Variants in R3HDM2 observed in about 807,000 individuals in gnomAD.
The protein encoded by R3HDM2 is R3H domain-containing protein 2.
R3HDM2 carries 38 observed loss-of-function variants against 124.5 expected under a neutral mutation model. The ratio of observed to expected loss-of-function variants is 0.31; its 90% CI spans 0.24 to 0.40. The LOEUF is 0.40. Ranked by LOEUF, R3HDM2 falls within the 10% of genes least tolerant of loss-of-function variation. The probability of loss-of-function intolerance (pLI) is 1.00; values close to 1 mark genes in which losing one functional copy is unlikely to be tolerated. For missense variants in R3HDM2, 869 were observed against 1,236.9 expected (o/e 0.70, Z 4.46); for synonymous variants, 391 against 448.0 (o/e 0.87, Z 1.61).
chr12:57,371,155 C>T (rs963825636), intron 2 of R3HDM2, among the ~76,000 whole-genome samples: 1 of 120,498 alleles, frequency 8.3e-6, no homozygotes, highest in African/African-American at 3.2e-5. Context: ...CAAACTAGGG[C>T]AGGCAAACAA....
chr12:57,418,292 CCTCTA>C (rs1206500907), intron 1 of R3HDM2: 1 of 985,300 alleles, frequency 1.0e-6, no homozygotes, highest in Non-Finnish European at 1.2e-6. Flanking sequence ...TGATTCCTCT[CCTCTA>C]TTCTCATTAC....
chr12:57,290,874 A>T (rs2048428325), intron 11 of R3HDM2, among the ~76,000 whole-genome samples: 1 of 152,148 alleles, frequency 6.6e-6, no homozygotes, highest in Admixed American at 6.5e-5. Context: ...GGCCTCCCAG[A>T]GTGCTGGGAT....
At chr12:57,428,103 G>C (rs1237696594) in intron 1 of R3HDM2, among the ~76,000 whole-genome samples, 2 of 150,028 alleles carry the variant, frequency 1.3e-5, no homozygotes, top group Non-Finnish European at 3.0e-5. Flanking sequence ...CTGGGTGACA[G>C]AGCGAGACTC....
At chr12:57,361,674 G>A (rs2061984022) in intron 2 of R3HDM2, among the ~76,000 whole-genome samples, 1 of 151,762 alleles carries the variant, frequency 6.6e-6, no homozygotes, top group South Asian at 2.1e-4. Flanking sequence ...GGGTGACAAA[G>A]TGAGACTGTC....
At chr12:57,383,604 A>G (rs990478841) in intron 2 of R3HDM2, among the ~76,000 whole-genome samples, 7 of 152,112 alleles carry the variant, frequency 4.6e-5, no homozygotes, top group Non-Finnish European at 1.0e-4. Flanking sequence ...GCTGCTCGGG[A>G]GGCTGAGGCA....
intron 1 of R3HDM2, among the ~76,000 whole-genome samples, chr12:57,413,269 A>G (rs892833050): frequency 1.3e-5 from 2 of 152,118 alleles, no homozygotes; most frequent in African/African-American, 4.8e-5. Context: ...AGTCACCATA[A>G]CTACTCATAA....
At chr12:57,422,744 G>A (rs951430072) in intron 1 of R3HDM2, among the ~76,000 whole-genome samples, 1 of 152,202 alleles carries the variant, frequency 6.6e-6, no homozygotes, top group Non-Finnish European at 1.5e-5. Flanking sequence ...GGGAGGCCAA[G>A]GCAGGACAGG....
intron 2 of R3HDM2, among the ~76,000 whole-genome samples, chr12:57,337,121 G>A (rs1241384572): frequency 6.6e-6 from 1 of 151,974 alleles, no homozygotes; most frequent in Non-Finnish European, 1.5e-5. Flanking sequence ...AATTTCCCAA[G>A]AATTCTCTTT....
intron 2 of R3HDM2, among the ~76,000 whole-genome samples, chr12:57,329,725 G>A (rs1032235946): frequency 1.0e-4 from 15 of 146,474 alleles, no homozygotes; most frequent in Non-Finnish European, 1.8e-4. Context: ...GTAGTGGGCC[G>A]ACAGAAAAAG....
At position 57,310,302 on chromosome 12, in the gene R3HDM2, T is replaced by C; in HGVS notation, c.127A>G (p.Lys43Glu). 6.5e-7 allele frequency: 1 copy of C among 1,547,774 alleles called. No individual in the cohort carries two copies. Among genetic ancestry groups the C allele is most frequent in the Non-Finnish European group, 8.7e-7 (1 of 1,145,884 alleles). ...SKTPSKEEIEKECEDTSLRQE... is the reference protein window; with the variant it reads ...SKTPSKEEIEEECEDTSLRQE... ...CGCAAACTGGTATCTTCACATTCTT[T>C]CTCAATTTCTTCCTTACTTGGAGTC... is the stretch of plus-strand genomic sequence containing the variant. Residue 43 changes from lysine (K) to glutamate (E), a missense_variant, in exon 3 of 24, where the codon AAA becomes GAA. By Grantham distance (56) the Lys-to-Glu change is moderately conservative. Transcript: ENST00000402412.
At chr12:57,341,414 C>T in intron 2 of R3HDM2, 1 of 984,672 alleles carries the variant, frequency 1.0e-6, no homozygotes, top group Non-Finnish European at 1.2e-6. Context: ...CTTCTTCCTT[C>T]TCTCCGTCCC....
chr12:57,271,453 C>CACAT (rs1385420991), intron 14 of R3HDM2, among the ~76,000 whole-genome samples: 3 of 152,026 alleles, frequency 2.0e-5, no homozygotes, highest in African/African-American at 7.3e-5. Context: ...CACACACACA[C>CACAT]ACACACACGC....
At chr12:57,352,241 C>CAAAAAAAAAAAAAAAAAAAAAAAAAAA in intron 2 of R3HDM2, among the ~76,000 whole-genome samples, 1 of 48,474 alleles carries the variant, frequency 2.1e-5, no homozygotes, top group Non-Finnish European at 4.3e-5. Flanking sequence ...GACTCCATCT[C>CAAAAAAAAAAAAAAAAAAAAAAAAAAA]AAAAAAAAAA....
In R3HDM2 at chr12:57,256,090, G is replaced by C. The variant is rs2136931851; in HGVS notation, c.2548-16C>G. 6.2e-7 allele frequency: 1 copy of C among 1,606,576 alleles called. No individual in the cohort carries two copies. Among genetic ancestry groups the C allele is most frequent in the Non-Finnish European group, 8.5e-7 (1 of 1,173,044 alleles). ...CACTCTGTCCCTTCAACATTTGAAA[G>C]ACGACTCTCATCCCATGTAAACAAC... On this transcript the variant is annotated splice_polypyrimidine_tract_variant and intron_variant, in intron 22 of 23. Transcript: ENST00000402412.
chr12:57,335,513 T>TA (rs1224526052), intron 2 of R3HDM2, among the ~76,000 whole-genome samples: 2 of 115,424 alleles, frequency 1.7e-5, no homozygotes, highest in Non-Finnish European at 3.6e-5. Flanking sequence ...TTTTTTTTTT[T>TA]AAGTGACAGC....
At chr12:57,416,328 A>C (rs1012560799) in intron 1 of R3HDM2, among the ~76,000 whole-genome samples, 1 of 152,168 alleles carries the variant, frequency 6.6e-6, no homozygotes, top group African/African-American at 2.4e-5. Flanking sequence ...AAATATTATC[A>C]ATTGGTAAAT....
intron 7 of R3HDM2, 53 bp downstream of exon 7, chr12:57,298,037 G>C (rs753295757): frequency 1.2e-4 from 155 of 1,346,956 alleles, no homozygotes; most frequent in Non-Finnish European, 1.6e-4. Context: ...TTGGCCTCTT[G>C]GAATCTTGCT....
intron 3 of R3HDM2, among the ~76,000 whole-genome samples, chr12:57,306,972 G>A (rs1340947549): frequency 9.9e-5 from 15 of 152,084 alleles, no homozygotes; most frequent in African/African-American, 2.2e-4. Flanking sequence ...CCAAGATTGC[G>A]CCACTGCGCT....
In R3HDM2 at chr12:57,308,578, C is replaced by T. The variant is rs1002898391; in HGVS notation, c.165+1686G>A. ...GCGGGCGCCTGTAATCCCAACTACT[C>T]GGGAGGCTGAGGCAGGAGAATCGCT... On this transcript the variant is annotated intron_variant, in intron 3 of 23. Transcript: ENST00000402412. Among the ~76,000 whole-genome samples the T allele has an allele frequency of 3.3e-5, 5 of 151,644 alleles. No individual in the cohort carries two copies. The East Asian group carries it at 5.9e-4, about 18-fold the overall frequency.
Sources: gnomAD v4.1 joint callset for allele counts (sites outside exome capture counted in the v4.1 genomes callset) on GRCh38, gnomAD v4.1.1 for gene constraint, MANE v1.5 for transcripts, NCBI Gene and HGNC (gene_info 2026-07-23, HGNC 2026-07-21) for gene names.